SCRT1: variants seen among roughly 807,000 people sequenced by gnomAD.
SCRT1 encodes transcriptional repressor scratch 1.
A neutral mutation model predicts 3.4 loss-of-function variants in SCRT1; 1 was observed. The observed-to-expected ratio is 0.29, with a 90% CI of 0.10 to 1.39. The LOEUF is 1.39. Ranked by LOEUF, SCRT1 falls within the 40% of genes most tolerant of loss-of-function variation. The pLI, the probability that SCRT1 is intolerant of heterozygous loss-of-function variation, is 0.42. For synonymous variants in SCRT1, 238 were observed against 247.0 expected, an observed-to-expected ratio of 0.96 and a Z score of 0.34; for missense variants, 380 against 526.3, an observed-to-expected ratio of 0.72 and a Z score of 2.72.
Position 144,333,539 on chromosome 8 carries a change from G to T in SCRT1, c.693C>A (p.Tyr231Ter). Residue 231 changes from tyrosine (Y) to a stop codon, truncating the protein, a stop_gained, in exon 2 of 2, where the codon TAC becomes TAA. Coordinates refer to ENST00000569446, the MANE Select transcript of SCRT1 (RefSeq NM_031309.6). LOFTEE classifies it low-confidence loss of function (END_TRUNC). ...ARRCPTCGKV[Y>*]VSMPAMAMHL... ...GCATGGCCATGGCCGGCATGGACACGTACACCTTGCCGCACGTCGGGCAGC... is the reference window on the plus strand; with the variant it reads ...GCATGGCCATGGCCGGCATGGACACTTACACCTTGCCGCACGTCGGGCAGC... 6.2e-7 allele frequency: 1 copy of T among 1,607,940 alleles called. No individual in the cohort carries two copies. Among genetic ancestry groups the T allele is most frequent in the Non-Finnish European group, 8.5e-7 (1 of 1,178,428 alleles).
In SCRT1 at chr8:144,331,807, T is replaced by C. The variant is rs1487464218; in HGVS notation, c.*1378A>G. Reference sequence around the variant, plus strand: ...GAGGGGATACCTGATTCTCAGTAACTCTAGAGGCGGCGGCAGCTTCGCATG... The same window carrying C: ...GAGGGGATACCTGATTCTCAGTAACCCTAGAGGCGGCGGCAGCTTCGCATG... On this transcript the variant is annotated 3_prime_UTR_variant, in exon 2 of 2. Coordinates refer to ENST00000569446, the MANE Select transcript of SCRT1 (RefSeq NM_031309.6). The C allele has an allele frequency of 6.6e-6, 1 of 152,472 alleles. No individual in the cohort carries two copies. The highest frequency in any genetic ancestry group is 1.5e-5 in the Non-Finnish European group (1 of 68,032). The allele number at this position is 152,472 out of a possible 1,614,324, so 9.4% of individuals were successfully genotyped here. A position where few individuals can be genotyped will look rare whatever the true frequency, so the allele number is the denominator to read the frequency against.
At position 144,335,911 on chromosome 8, in the gene SCRT1, C is replaced by G; in HGVS notation, c.115+144G>C. The stretch of plus-strand genomic sequence containing the variant: ...TGTTCCCCTTCCTCCCCTCTACCGT[C>G]CAGGCTCCAGCCACAGACTCTTGCC... On this transcript the variant is annotated intron_variant, in intron 1 of 1. Transcript: ENST00000569446. This position sits in a 1 kb window ranked among gnomAD's most constrained non-coding sequence, Gnocchi z 7.7. 1.7e-6 allele frequency: 1 copy of G among 596,338 alleles called. No individual in the cohort carries two copies. The highest frequency in any genetic ancestry group is 3.2e-5 in the East Asian group (1 of 31,634). The allele number at this position is 596,338 out of a possible 1,614,324, so 36.9% of individuals were successfully genotyped here.
chr8:144,333,344 C>T lies in SCRT1; in HGVS notation c.888G>A (p.Gln296=). ...ADRSNLRAHM[Q]THSAFKHFQC... is the part of the protein sequence containing the mutation. ...GGAAGTGCTTGAAGGCCGAATGCGT[C>T]TGCATGTGCGCGCGCAGGTTGGAGC... The change falls in exon 2 of 2, where the codon CAG becomes CAA. Residue 296 remains glutamine, a synonymous_variant. Transcript: ENST00000569446. 1 of 1,612,430 alleles carries T rather than the reference C, an allele frequency of 6.2e-7. No individual in the cohort carries two copies. The highest frequency in any genetic ancestry group is 8.5e-7 in the Non-Finnish European group (1 of 1,179,592).
chr8:144,335,965 C>G lies in SCRT1; in HGVS notation c.115+90G>C. ...TCTGGTTCCCTTCAGTCTGTTTCCC[C>G]GGGCCCTGCCCTCCGCCCCCACACT... On this transcript the variant is annotated intron_variant, in intron 1 of 1. Transcript: ENST00000569446. The surrounding 1 kb of genome is among the most constrained non-coding windows in gnomAD (Gnocchi z 7.7). The G allele has an allele frequency of 1.1e-6, 1 of 877,614 alleles. No homozygotes were observed. 54.4% of individuals were successfully genotyped at this position (877,614 alleles called of 1,614,324 possible). A position where few individuals can be genotyped will look rare whatever the true frequency, so the allele number is the denominator to read the frequency against.
rs1554849789 is a variant in SCRT1, at chr8:144,333,141, C to T, written c.*44G>A. The T allele has an allele frequency of 3.5e-6, 5 of 1,410,442 alleles. No homozygotes were observed. The highest frequency in any genetic ancestry group is 2.4e-4 in the Middle Eastern group (1 of 4,228). 87.4% of individuals were successfully genotyped at this position (1,410,442 alleles called of 1,614,324 possible). ...CGCCAGCGAAGACTTCCCTGGGGGG[C>T]CGTATTGCTGAGAGCCGACCTGGCT... On this transcript the variant is annotated 3_prime_UTR_variant, in exon 2 of 2. Coordinates refer to ENST00000569446, the MANE Select transcript of SCRT1 (RefSeq NM_031309.6).
rs1243241410 is a variant in SCRT1, at chr8:144,335,442, A to ACC, written c.115+611_115+612dup. 4.6e-5 allele frequency among the ~76,000 whole-genome samples: 7 copies of ACC among 151,942 alleles called. No individual in the cohort carries two copies. Among genetic ancestry groups the ACC allele is most frequent in the Non-Finnish European group, 1.0e-4 (7 of 67,976 alleles). The stretch of plus-strand genomic sequence containing the variant: ...CTGACAGTTGTCCTTGAACTTGGGC[A>ACC]CCCTTACACAAAGAGCCTCCCCCTG... On this transcript the variant is annotated intron_variant, in intron 1 of 1. Coordinates refer to ENST00000569446, the MANE Select transcript of SCRT1 (RefSeq NM_031309.6). The surrounding 1 kb of genome is among the most constrained non-coding windows in gnomAD (Gnocchi z 7.7).
chr8:144,336,123 G>A lies in SCRT1; in HGVS notation c.47C>T (p.Ser16Phe), dbSNP rs1000986647. Residue 16 changes from serine (S) to phenylalanine (F), a missense_variant, in exon 1 of 2, where the codon TCT becomes TTT. By Grantham distance (155) the Ser-to-Phe change is radical. Transcript: ENST00000569446. The surrounding 1 kb of genome is among the most constrained non-coding windows in gnomAD (Gnocchi z 6.8). ...LVKKVKLDAF[S>F]SADLESAYGR... ...GTAGGCGCTCTCCAGGTCGGCCGAAGAGAACGCGTCAAGTTTGACCTTCTT... is the reference window on the plus strand; with the variant it reads ...GTAGGCGCTCTCCAGGTCGGCCGAAAAGAACGCGTCAAGTTTGACCTTCTT... The A allele has an allele frequency of 6.2e-7, 1 of 1,610,924 alleles. No individual in the cohort carries two copies. The highest frequency in any genetic ancestry group is 1.3e-5 in the African/African-American group (1 of 74,970).
rs1817888327 is a variant in SCRT1, at chr8:144,336,283, C to T, written c.-114G>A. On this transcript the variant is annotated 5_prime_UTR_variant, in exon 1 of 2. Transcript: ENST00000569446. The surrounding 1 kb of genome is among the most constrained non-coding windows in gnomAD (Gnocchi z 6.8). ...GGCGGAGGCAGCGCGGGTCCCCACT[C>T]TGGCCTTTGGATGCTGCCGCGCGAG... is the stretch of plus-strand genomic sequence containing the variant. 2.7e-6 allele frequency: 2 copies of T among 747,008 alleles called. No homozygotes were observed. The highest frequency in any genetic ancestry group is 4.3e-6 in the Non-Finnish European group (2 of 468,584). The allele number at this position is 747,008 out of a possible 1,614,324, so 46.3% of individuals were successfully genotyped here.
Position 144,331,283 on chromosome 8 carries a change from G to A in SCRT1, c.*1902C>T, listed in dbSNP as rs142922837. ...CATGGCTCTGCCCCTGGCTGGACAT[G>A]GCAGATGTGTGTTGGCCAGAGGATC... On this transcript the variant is annotated 3_prime_UTR_variant, in exon 2 of 2. Transcript: ENST00000569446. 13 of 152,370 alleles carry A rather than the reference G, an allele frequency of 8.5e-5. 1 individual carries two copies. Among genetic ancestry groups the A allele is most frequent in the African/African-American group, 3.1e-4 (13 of 41,570 alleles). The allele number at this position is 152,370 out of a possible 1,614,324, so 9.4% of individuals were successfully genotyped here. A position where few individuals can be genotyped will look rare whatever the true frequency, so the allele number is the denominator to read the frequency against.
chr8:144,334,022 T>G lies in SCRT1; in HGVS notation c.210A>C (p.Ala70=), dbSNP rs1554850029. 1 of 1,513,550 alleles carries G rather than the reference T, an allele frequency of 6.6e-7. No homozygotes were observed. The allele number at this position is 1,513,550 out of a possible 1,614,324, so 93.8% of individuals were successfully genotyped here. A position where few individuals can be genotyped will look rare whatever the true frequency, so the allele number is the denominator to read the frequency against. Residue 70 remains alanine, a synonymous_variant, in exon 2 of 2, where the codon GCA becomes GCC. Coordinates refer to ENST00000569446, the MANE Select transcript of SCRT1 (RefSeq NM_031309.6). The part of the protein sequence containing the change: ...LKGPSPEPMY[A]AAVRGELGPA... Reference sequence around the variant, plus strand: ...GACCCAGCTCTCCACGCACAGCTGCTGCGTACATGGGCTCCGGCGACGGCC... The same window carrying G: ...GACCCAGCTCTCCACGCACAGCTGCGGCGTACATGGGCTCCGGCGACGGCC...
rs1554849889 is a variant in SCRT1 at position 144,333,539 on chromosome 8, G to A, written c.693C>T (p.Tyr231=). The stretch of plus-strand genomic sequence containing the variant: ...GCATGGCCATGGCCGGCATGGACAC[G>A]TACACCTTGCCGCACGTCGGGCAGC... The part of the protein sequence containing the change: ...ARRCPTCGKV[Y]VSMPAMAMHL... The change falls in exon 2 of 2, where the codon TAC becomes TAT. Residue 231 remains tyrosine (Y), a synonymous_variant. Coordinates refer to ENST00000569446, the MANE Select transcript of SCRT1 (RefSeq NM_031309.6). 8 of 1,607,826 alleles carry A rather than the reference G, an allele frequency of 5.0e-6. No homozygotes were observed. The highest frequency in any genetic ancestry group is 5.9e-6 in the Non-Finnish European group (7 of 1,178,436).
Position 144,336,229 on chromosome 8 carries a change from CGGCAG to C in SCRT1, c.-65_-61del. On this transcript the variant is annotated 5_prime_UTR_variant, in exon 1 of 2. Transcript: ENST00000569446. This position sits in a 1 kb window ranked among gnomAD's most constrained non-coding sequence, Gnocchi z 6.8. ...GAGCCGGGGCTTGGGGGGGCTGCGG[CGGCAG>C]GGCCCCGTCACCATCCGAGGAGCGG... 1 of 1,281,214 alleles carries C rather than the reference CGGCAG, an allele frequency of 7.8e-7. No homozygotes were observed. Among genetic ancestry groups the C allele is most frequent in the Non-Finnish European group, 1.1e-6 (1 of 929,550 alleles). The allele number at this position is 1,281,214 out of a possible 1,614,324, so 79.4% of individuals were successfully genotyped here. A position where few individuals can be genotyped will look rare whatever the true frequency, so the allele number is the denominator to read the frequency against.
At position 144,335,354 on chromosome 8, in the gene SCRT1, C is replaced by T. The variant is rs373902893; in HGVS notation, c.115+701G>A. Among the ~76,000 whole-genome samples, 1 of 152,178 alleles carries T rather than the reference C, an allele frequency of 6.6e-6. No homozygotes were observed. The highest frequency in any genetic ancestry group is 6.5e-5 in the Admixed American group (1 of 15,284). On this transcript the variant is annotated intron_variant, in intron 1 of 1. Transcript: ENST00000569446. The surrounding 1 kb of genome is among the most constrained non-coding windows in gnomAD (Gnocchi z 7.7). ...CATGGACCCACACAGGCTCACACTC[C>T]TGCAGGTCACACTTGCTCTGCCACC...
At chr8:144,334,152 TG>T in intron 1 of SCRT1, 36 bp from the exon 2 acceptor site, 1 of 416,282 alleles carries the variant, frequency 2.4e-6, no homozygotes, top group Non-Finnish European at 3.8e-6. Flanking sequence ...GGGAAGGGAA[TG>T]GGGCGGCGGC....
rs946073924 is a variant in SCRT1, at chr8:144,332,551, G to A, written c.*634C>T. ...ATTCGGATTTGGCAGAGGATGCGAGGCGAGGGTAGGAGGGCGGCTCCGACT... is the reference window on the plus strand; with the variant it reads ...ATTCGGATTTGGCAGAGGATGCGAGACGAGGGTAGGAGGGCGGCTCCGACT... On this transcript the variant is annotated 3_prime_UTR_variant, in exon 2 of 2. Coordinates refer to ENST00000569446, the MANE Select transcript of SCRT1 (RefSeq NM_031309.6). 6.6e-6 allele frequency: 1 copy of A among 152,614 alleles called. No individual in the cohort carries two copies. The highest frequency in any genetic ancestry group is 2.4e-5 in the African/African-American group (1 of 41,364). The allele number at this position is 152,614 out of a possible 1,614,324, so 9.5% of individuals were successfully genotyped here.
chr8:144,333,913 C>G lies in SCRT1; in HGVS notation c.319G>C (p.Ala107Pro). Residue 107 changes from alanine to proline, a missense_variant, in exon 2 of 2, where the codon GCC becomes CCC. By Grantham distance (27) the Ala-to-Pro change is conservative. Transcript: ENST00000569446. The part of the protein sequence containing the change: ...AAGGYINGDA[A>P]VSEGYAADAF... ...TCCGCCGCGTAGCCCTCGCTGACGG[C>G]CGCGTCGCCGTTGATGTAGCCGCCC... is the stretch of plus-strand genomic sequence containing the variant. 7.6e-7 allele frequency: 1 copy of G among 1,307,906 alleles called. No individual in the cohort carries two copies. The highest frequency in any genetic ancestry group is 9.7e-7 in the Non-Finnish European group (1 of 1,029,312). 81.0% of individuals were successfully genotyped at this position (1,307,906 alleles called of 1,614,324 possible).
chr8:144,335,977 T>C lies in SCRT1; in HGVS notation c.115+78A>G. 1 of 955,624 alleles carries C rather than the reference T, an allele frequency of 1.0e-6. No individual in the cohort carries two copies. 59.2% of individuals were successfully genotyped at this position (955,624 alleles called of 1,614,324 possible). On this transcript the variant is annotated intron_variant, in intron 1 of 1. Transcript: ENST00000569446. The surrounding 1 kb of genome is among the most constrained non-coding windows in gnomAD (Gnocchi z 7.7). ...CAGTCTGTTTCCCCGGGCCCTGCCC[T>C]CCGCCCCCACACTCTGGCCCTCCAC...
In SCRT1 at chr8:144,332,049, A is replaced by AGGGGCGGGGCCTGGGTCTCG. The variant is rs1817773609; in HGVS notation, c.*1135_*1136insCGAGACCCAGGCCCCGCCCC. On this transcript the variant is annotated 3_prime_UTR_variant, in exon 2 of 2. Coordinates refer to ENST00000569446, the MANE Select transcript of SCRT1 (RefSeq NM_031309.6). ...CGAGTGGGGGCGGGGCCTGGGTCTC[A>AGGGGCGGGGCCTGGGTCTCG]GGGGCGGGGCCTGGGTCTCAGGGGA... 8.2e-6 allele frequency: 1 copy of AGGGGCGGGGCCTGGGTCTCG among 122,494 alleles called. No individual in the cohort carries two copies. Among genetic ancestry groups the AGGGGCGGGGCCTGGGTCTCG allele is most frequent in the Non-Finnish European group, 1.7e-5 (1 of 58,296 alleles). The allele number at this position is 122,494 out of a possible 1,614,324, so 7.6% of individuals were successfully genotyped here.
At position 144,333,198 on chromosome 8, in the gene SCRT1, G is replaced by A. The variant is rs370594178; in HGVS notation, c.1034C>T (p.Pro345Leu). 1 of 1,573,838 alleles carries A rather than the reference G, an allele frequency of 6.4e-7. No homozygotes were observed. The highest frequency in any genetic ancestry group is 8.6e-7 in the Non-Finnish European group (1 of 1,162,020). The stretch of plus-strand genomic sequence containing the variant: ...GGCCCCGCCGCCCTAGGCCTGCACA[G>A]GGCTGAGCTGTGGCGGCGCAGGAGC... ...PAAPAPPQLS[P>L]VQA The change falls in exon 2 of 2, where the codon CCT (proline) becomes CTT (leucine). Residue 345 changes from proline (P) to leucine (L), a missense_variant. Around this residue, in one of 5 missense-constraint regions of SCRT1, gnomAD observed 67 missense variants for 64.7 expected, o/e 1.04. Transcript: ENST00000569446.
Sources: allele counts gnomAD v4.1 joint callset (sites outside exome capture counted in the v4.1 genomes callset), GRCh38; gene constraint gnomAD v4.1.1; regional missense constraint gnomAD v4.1.1; non-coding constraint Gnocchi (gnomAD v3.1); transcripts MANE v1.5; gene names NCBI Gene and HGNC (gene_info 2026-07-23, HGNC 2026-07-21).